NAALADL2: variants seen among roughly 807,000 people sequenced by gnomAD.
NAALADL2 encodes the protein N-acetylated alpha-linked acidic dipeptidase like 2.
In NAALADL2, 76 loss-of-function variants were observed where a neutral mutation model predicts 87.2. The observed-to-expected ratio is 0.87, with a 90% confidence interval of 0.72 to 1.05. The LOEUF (loss-of-function observed/expected upper bound fraction) is 1.05. Ranked by LOEUF, NAALADL2 falls within the 50% of genes least tolerant of loss-of-function variation. NAALADL2 has a pLI of 0.00. For synonymous variants in NAALADL2, 354 were observed against 331.0 expected, an observed-to-expected ratio of 1.07 and a Z score of -0.75; for missense variants, 1,089 against 945.8, an observed-to-expected ratio of 1.15 and a Z score of -1.99.
chr3:175,803,090 A>G lies in NAALADL2; in HGVS notation c.2275A>G (p.Asn759Asp), dbSNP rs767787853. 3.7e-6 allele frequency: 6 copies of G among 1,612,570 alleles called. No individual in the cohort carries two copies. Among genetic ancestry groups the G allele is most frequent in the East Asian group, 2.2e-5 (1 of 44,838 alleles). Residue 759 changes from asparagine (N) to aspartate (D), a missense_variant, in exon 14 of 14, where the codon AAT becomes GAT. Coordinates refer to ENST00000454872, the MANE Select transcript of NAALADL2 (RefSeq NM_207015.3). Reference protein sequence around the residue: ...AWEHCKPLASNETLQEALSEV... With the variant: ...AWEHCKPLASDETLQEALSEV... ...GGAACACTGCAAACCCCTTGCATCA[A>G]ATGAGACCCTTCAAGAAGCCCTGTC...
Position 175,258,684 on chromosome 3 carries a change from A to T in NAALADL2, c.939+2154A>T, listed in dbSNP as rs201157210. Among the ~76,000 whole-genome samples, 266 of 152,304 alleles carry T rather than the reference A, an allele frequency of 1.7e-3. 1 individual carries two copies. The highest frequency in any genetic ancestry group is 1.5e-3 in the South Asian group (7 of 4,826). Reference sequence around the variant, plus strand: ...TTTTGGAGAGATTTATGATAAGTTCAGCTGCATGCCTGGTGACTGGGGCTT... The same window carrying T: ...TTTTGGAGAGATTTATGATAAGTTCTGCTGCATGCCTGGTGACTGGGGCTT... On this transcript the variant is annotated intron_variant, in intron 4 of 13. Transcript: ENST00000454872.
chr3:174,596,425 G>C (rs1028480226), intron 2 of NAALADL2, among the ~76,000 whole-genome samples: 1 of 152,064 alleles, frequency 6.6e-6, no homozygotes. Context: ...CTTATTCACT[G>C]TTTTGTTTTT....
intron 1 of NAALADL2, among the ~76,000 whole-genome samples, chr3:174,979,062 A>G (rs1388521788): frequency 6.6e-6 from 1 of 152,104 alleles, no homozygotes; most frequent in Admixed American, 6.6e-5. Context: ...TGCCTATTTA[A>G]TCCATAAAAG....
intron 3 of NAALADL2, among the ~76,000 whole-genome samples, chr3:174,757,208 A>T (rs575563570): frequency 6.6e-6 from 1 of 152,316 alleles, no homozygotes; most frequent in South Asian, 2.1e-4. Flanking sequence ...TTATGTACTC[A>T]TGTCCAGAGA....
At chr3:175,097,488 T>C (rs1192874451) in intron 2 of NAALADL2, among the ~76,000 whole-genome samples, 197 bp downstream of exon 2, 1 of 152,108 alleles carries the variant, frequency 6.6e-6, no homozygotes, top group Non-Finnish European at 1.5e-5. Context: ...AAATTTGTGA[T>C]GCAGTTTTAT....
intron 3 of NAALADL2, among the ~76,000 whole-genome samples, chr3:174,816,922 A>G (rs9841010): frequency 0.014 from 2,158 of 152,282 alleles, 65 homozygotes; most frequent in African/African-American, 0.05. Flanking sequence ...TCTGGTAGTA[A>G]ATCATATATT....
chr3:175,205,123 C>T (rs190702547), intron 2 of NAALADL2, among the ~76,000 whole-genome samples: 46 of 152,128 alleles, frequency 3.0e-4, no homozygotes, highest in African/African-American at 9.6e-4. Flanking sequence ...TCATATGGAA[C>T]CAAAAAAGTG....
At chr3:175,572,049 G>A (rs1250886502) in intron 9 of NAALADL2, among the ~76,000 whole-genome samples, 1 of 152,058 alleles carries the variant, frequency 6.6e-6, no homozygotes, top group African/African-American at 2.4e-5. Context: ...GGGATGGGGT[G>A]GGGGAATGGT....
At chr3:174,780,589 G>A (rs1715841342) in intron 3 of NAALADL2, among the ~76,000 whole-genome samples, 1 of 152,054 alleles carries the variant, frequency 6.6e-6, no homozygotes, top group Non-Finnish European at 1.5e-5. Flanking sequence ...TCCAGCTTTT[G>A]CCCATTCAGT....
intron 1 of NAALADL2, among the ~76,000 whole-genome samples, chr3:175,069,564 G>C (rs905475442): frequency 6.7e-6 from 1 of 150,094 alleles, no homozygotes; most frequent in African/African-American, 2.5e-5. Flanking sequence ...AGTGTTGGTG[G>C]GACTGTAAAC....
intron 9 of NAALADL2, among the ~76,000 whole-genome samples, chr3:175,524,015 C>T (rs555522923): frequency 6.6e-6 from 1 of 152,258 alleles, no homozygotes; most frequent in African/African-American, 2.4e-5. Flanking sequence ...GATGCTGTCA[C>T]CCGATTTCAA....
At chr3:175,400,875 A>G (rs1770476413) in intron 5 of NAALADL2, among the ~76,000 whole-genome samples, 1 of 152,108 alleles carries the variant, frequency 6.6e-6, no homozygotes, top group African/African-American at 2.4e-5. Context: ...ATTATCAATC[A>G]GGAAGTTGGT....
At chr3:175,674,966 A>G (rs1307440012) in intron 11 of NAALADL2, 3 of 152,206 alleles carry the variant, frequency 2.0e-5, no homozygotes, top group African/African-American at 7.2e-5. Context: ...ATACTGCTAC[A>G]TGCCATTATT....
chr3:175,597,152 AT>A (rs1722354737), intron 10 of NAALADL2, among the ~76,000 whole-genome samples: 1 of 152,060 alleles, frequency 6.6e-6, no homozygotes, highest in Non-Finnish European at 1.5e-5. Context: ...CAAGTTTTCC[AT>A]CTCTGTGAAA....
At chr3:175,775,658 C>T (rs1028386672) in intron 13 of NAALADL2, among the ~76,000 whole-genome samples, 2 of 152,178 alleles carry the variant, frequency 1.3e-5, no homozygotes, top group East Asian at 1.9e-4. Context: ...GAAGTCTGTT[C>T]GCCTGAATTC....
chr3:175,750,586 A>C (rs115454274), intron 12 of NAALADL2, among the ~76,000 whole-genome samples: 1 of 152,150 alleles, frequency 6.6e-6, no homozygotes, highest in African/African-American at 2.4e-5. Flanking sequence ...AGACATTAAT[A>C]ATGTTTAAAA....
At chr3:174,603,077 T>C (rs1013431754) in intron 2 of NAALADL2, among the ~76,000 whole-genome samples, 1 of 152,108 alleles carries the variant, frequency 6.6e-6, no homozygotes, top group Non-Finnish European at 1.5e-5. Flanking sequence ...TTTTATATTT[T>C]TTTATTTGTC....
rs1754943942 is a variant in NAALADL2 at position 175,286,145 on chromosome 3, C to T, written c.939+29615C>T. On this transcript the variant is annotated intron_variant, in intron 4 of 13. Coordinates refer to ENST00000454872, the MANE Select transcript of NAALADL2 (RefSeq NM_207015.3). ...ATTAGAAGAAAATAATTTTATTATGCACATTTTAGTTATACAGGTTGCCAT... is the reference window on the plus strand; with the variant it reads ...ATTAGAAGAAAATAATTTTATTATGTACATTTTAGTTATACAGGTTGCCAT... 2.6e-5 allele frequency among the ~76,000 whole-genome samples: 4 copies of T among 152,076 alleles called. 1 individual carries two copies.
chr3:174,778,673 C>G (rs992889147), intron 3 of NAALADL2, among the ~76,000 whole-genome samples: 2 of 152,068 alleles, frequency 1.3e-5, no homozygotes, highest in African/African-American at 2.4e-5. Context: ...GTTCCCCTCC[C>G]TGTGTCCATA....
Sources: gnomAD v4.1 joint callset for allele counts (sites outside exome capture counted in the v4.1 genomes callset) on GRCh38, gnomAD v4.1.1 for gene constraint, MANE v1.5 for transcripts, NCBI Gene and HGNC (gene_info 2026-07-23, HGNC 2026-07-21) for gene names.